The following PTPRD variants were observed in gnomAD, a reference collection of about 807,000 sequenced individuals.
PTPRD encodes the protein receptor-type tyrosine-protein phosphatase delta.
Under a neutral mutation model 214.5 loss-of-function variants are expected in PTPRD, and 34 were observed. That is an observed-to-expected ratio of 0.16 (90% CI 0.12 to 0.21). The LOEUF (loss-of-function observed/expected upper bound fraction) is 0.21. PTPRD is among the 10% of genes least tolerant of loss of function. PTPRD has a pLI of 1.00. For missense variants in PTPRD, 2,545 were observed against 2,398.7 expected (o/e 1.06, Z -1.27); for synonymous variants, 1,128 against 845.7 (o/e 1.33, Z -5.79).
At chr9:9,040,077 G>T (rs981452315) in intron 10 of PTPRD, among the ~76,000 whole-genome samples, 1 of 152,022 alleles carries the variant, frequency 6.6e-6, no homozygotes, top group African/African-American at 2.4e-5. Flanking sequence ...ATTTATTGAG[G>T]ATCTACTCTG....
At chr9:9,802,404 T>G (rs10977994) in intron 5 of PTPRD, among the ~76,000 whole-genome samples, 10,780 of 152,010 alleles carry the variant, frequency 0.071, 514 homozygotes, top group Middle Eastern at 0.15. Flanking sequence ...GAATTTGAAG[T>G]TAATGCACTA....
At chr9:9,212,073 G>T (rs907096332) in intron 9 of PTPRD, among the ~76,000 whole-genome samples, 3 of 151,932 alleles carry the variant, frequency 2.0e-5, no homozygotes, top group Admixed American at 6.6e-5. Flanking sequence ...ACTGGATTTT[G>T]CCTGGAAACA....
chr9:9,292,427 T>C (rs1951478710), intron 9 of PTPRD, among the ~76,000 whole-genome samples: 1 of 151,104 alleles, frequency 6.6e-6, no homozygotes, highest in African/African-American at 2.4e-5. Flanking sequence ...GTTTTCTTTC[T>C]GTTAGTTTAC....
intron 2 of PTPRD, among the ~76,000 whole-genome samples, chr9:10,543,826 C>T (rs1264483746): frequency 2.6e-5 from 4 of 152,162 alleles, no homozygotes; most frequent in Admixed American, 2.6e-4. Flanking sequence ...AACATCTTAA[C>T]AGAAACATAA....
At chr9:9,278,565 G>C (rs1420648947) in intron 9 of PTPRD, among the ~76,000 whole-genome samples, 1 of 151,282 alleles carries the variant, frequency 6.6e-6, no homozygotes, top group Non-Finnish European at 1.5e-5. Context: ...AAAGTTAAGA[G>C]CCTGGCTGTA....
chr9:10,185,339 C>G (rs1290737608), intron 3 of PTPRD, among the ~76,000 whole-genome samples: 1 of 152,126 alleles, frequency 6.6e-6, no homozygotes, highest in African/African-American at 2.4e-5. Context: ...ATGATACTTT[C>G]CAATTTCGAA....
At chr9:9,519,707 A>T (rs935580765) in intron 8 of PTPRD, among the ~76,000 whole-genome samples, 8 of 152,088 alleles carry the variant, frequency 5.3e-5, no homozygotes, top group Non-Finnish European at 5.9e-5. Context: ...ATGAAAGAAC[A>T]TATAATAAAT....
At position 8,331,645 on chromosome 9, in the gene PTPRD, A is replaced by ATGAAGT. The variant is rs746404384; in HGVS notation, c.5465_5470dup (p.Phe1823_Ile1824insAsnPhe). 6.2e-7 allele frequency: 1 copy of ATGAAGT among 1,613,764 alleles called. No individual in the cohort carries two copies. The highest frequency in any genetic ancestry group is 8.5e-7 in the Non-Finnish European group (1 of 1,179,928). On this transcript the variant is annotated inframe_insertion, in exon 44 of 46. Transcript: ENST00000381196. ...TTCTTTTGTTTTATGGACTTGGCCG[A>ATGAAGT]TGAAGTCAATAAATCCTTCTCCGGA...
chr9:10,234,245 T>C (rs1214210910), intron 3 of PTPRD, among the ~76,000 whole-genome samples: 1 of 151,584 alleles, frequency 6.6e-6, no homozygotes, highest in Non-Finnish European at 1.5e-5. Flanking sequence ...ATAAATAAAA[T>C]ATGAAGATCC....
chr9:9,023,819 T>C (rs964169603), intron 10 of PTPRD, among the ~76,000 whole-genome samples: 3 of 152,112 alleles, frequency 2.0e-5, no homozygotes, highest in Non-Finnish European at 2.9e-5. Context: ...TCCATCCATG[T>C]TGCTGCAAAG....
intron 11 of PTPRD, among the ~76,000 whole-genome samples, chr9:8,754,954 G>C (rs932620260): frequency 6.6e-6 from 1 of 152,038 alleles, no homozygotes; most frequent in East Asian, 1.9e-4. Flanking sequence ...ATATGAAAAA[G>C]GACTGAACAA....
intron 5 of PTPRD, among the ~76,000 whole-genome samples, chr9:9,784,793 G>A (rs969729731): frequency 2.0e-5 from 3 of 150,398 alleles, no homozygotes; most frequent in African/African-American, 7.3e-5. Context: ...ATATATATAT[G>A]TTTATATCTA....
At chr9:8,614,240 G>C (rs1386602780) in intron 14 of PTPRD, among the ~76,000 whole-genome samples, 2 of 152,192 alleles carry the variant, frequency 1.3e-5, no homozygotes, top group East Asian at 3.9e-4. Context: ...TAACCTCCAA[G>C]TCAATACTTA....
chr9:10,312,334 G>C (rs1253703317), intron 3 of PTPRD, among the ~76,000 whole-genome samples: 1 of 151,876 alleles, frequency 6.6e-6, no homozygotes, highest in Non-Finnish European at 1.5e-5. Flanking sequence ...TTAAAATATT[G>C]ATTTTGTTTT....
At chr9:9,103,872 C>T (rs1176694824) in intron 10 of PTPRD, among the ~76,000 whole-genome samples, 1 of 152,054 alleles carries the variant, frequency 6.6e-6, no homozygotes, top group African/African-American at 2.4e-5. Flanking sequence ...TTCCCAGATA[C>T]CCTGGAGGCT....
chr9:8,997,477 C>T (rs987753454), intron 11 of PTPRD, among the ~76,000 whole-genome samples: 2 of 151,984 alleles, frequency 1.3e-5, no homozygotes, highest in Admixed American at 1.3e-4. Context: ...TTGTGGGGCA[C>T]CACAAACCAA....
In PTPRD at chr9:9,820,616, G is replaced by A. The variant is rs559816154; in HGVS notation, c.-367-53765C>T. ...TTCTTCTAGGATTCTTGTGGTTTGA[G>A]GTCTTACATTTAAATCTTTAATCCA... is the stretch of plus-strand genomic sequence containing the variant. On this transcript the variant is annotated intron_variant, in intron 5 of 45. Coordinates refer to ENST00000381196, the MANE Select transcript of PTPRD (RefSeq NM_002839.4). 4.6e-5 allele frequency among the ~76,000 whole-genome samples: 7 copies of A among 152,150 alleles called. No individual in the cohort carries two copies. The East Asian group carries it at 1.4e-3, about 29-fold the overall frequency.
intron 7 of PTPRD, among the ~76,000 whole-genome samples, chr9:9,688,168 T>A (rs2097198953): frequency 1.3e-5 from 2 of 151,924 alleles, no homozygotes; most frequent in Admixed American, 6.6e-5. Context: ...CTTTTCTTTA[T>A]AAATTCCACT....
At chr9:10,380,987 T>C (rs565008182) in intron 2 of PTPRD, among the ~76,000 whole-genome samples, 97 of 152,074 alleles carry the variant, frequency 6.4e-4, no homozygotes, top group African/African-American at 2.3e-3. Context: ...CATATGGTAG[T>C]GATATTTAAA....
Sources: gnomAD v4.1 joint callset for allele counts (sites outside exome capture counted in the v4.1 genomes callset) on GRCh38, gnomAD v4.1.1 for gene constraint, MANE v1.5 for transcripts, NCBI Gene and HGNC (gene_info 2026-07-23, HGNC 2026-07-21) for gene names.